TMC6: variants seen among roughly 807,000 people sequenced by gnomAD.
TMC6 encodes transmembrane channel like 6.
TMC6 carries 71 observed loss-of-function variants against 95.4 expected under a neutral mutation model. The ratio of observed to expected loss-of-function variants is 0.74; its 90% CI spans 0.61 to 0.91. TMC6 has a LOEUF of 0.91. TMC6 is among the 40% of genes least tolerant of loss of function. The pLI, the probability that TMC6 is intolerant of heterozygous loss-of-function variation, is 0.00. For missense variants in TMC6, 1,074 were observed against 1,079.1 expected, an observed-to-expected ratio of 1.00 and a Z score of 0.07; for synonymous variants, 514 against 483.1, an observed-to-expected ratio of 1.06 and a Z score of -0.84.
chr17:78,116,357 G>T (rs1350663487), intron 18 of TMC6, among the ~76,000 whole-genome samples: 2 of 149,784 alleles, frequency 1.3e-5, no homozygotes, highest in Non-Finnish European at 3.0e-5. Flanking sequence ...GCTCACTGCA[G>T]CCTCAACCTG....
chr17:78,124,280 G>C, intron 8 of TMC6, 101 bp from the exon 9 acceptor site: 1 of 1,483,738 alleles, frequency 6.7e-7, no homozygotes, highest in Non-Finnish European at 9.2e-7. Flanking sequence ...GGCCAGGCAG[G>C]GGCAGTGAGG....
At position 78,117,723 on chromosome 17, in the gene TMC6, C is replaced by A. The variant is rs2074200776; in HGVS notation, c.2021+79G>T. The A allele has an allele frequency of 3.2e-6, 5 of 1,563,942 alleles. No individual in the cohort carries two copies. The Admixed American group carries it at 9.4e-5, about 30-fold the overall frequency. ...CCCTCCCAGCCCGTCCTCTGCACCC[C>A]TAAGCCTTGGGCCCCCCAGGCACCA... On this transcript the variant is annotated intron_variant, in intron 16 of 19. Transcript: ENST00000590602.
chr17:78,124,853 G>A (rs1202034094), intron 7 of TMC6, 36 bp downstream of exon 7: 3 of 1,582,494 alleles, frequency 1.9e-6, no homozygotes, highest in Non-Finnish European at 2.6e-6. Context: ...GCCCTGCCCA[G>A]CCGCCCCAGC....
chr17:78,109,650 C>T lies in TMC6; in HGVS notation c.*3498G>A, dbSNP rs2613513. ...TCTCAAAAAAGCAGAAGCACATTTC[C>T]GAAGCCCCCCAAGCCCACGGGCGTG... On this transcript the variant is annotated 3_prime_UTR_variant, in exon 20 of 20. Transcript: ENST00000590602. 0.082 allele frequency: 35,404 copies of T among 432,542 alleles called. 1,806 individuals carry two copies. Among genetic ancestry groups the T allele is most frequent in the East Asian group, 0.18 (2,609 of 14,188 alleles). The allele number at this position is 432,542 out of a possible 1,614,324, so 26.8% of individuals were successfully genotyped here.
chr17:78,120,829 G>T lies in TMC6; in HGVS notation c.1539C>A (p.Asn513Lys). ...VLEVYVAICR[N>K]LILKLAILGT... is the part of the protein sequence containing the mutation. ...CCAGGATGGCCAGCTTGAGGATGAG[G>T]TTCCTGCGGAGGGCGGGGTGCAAAG... is the stretch of plus-strand genomic sequence containing the variant. Residue 513 changes from asparagine (N) to lysine (K), a missense_variant, in exon 13 of 20, where the codon AAC becomes AAA. Transcript: ENST00000590602. 6.2e-7 allele frequency: 1 copy of T among 1,612,180 alleles called. No homozygotes were observed. The highest frequency in any genetic ancestry group is 8.5e-7 in the Non-Finnish European group (1 of 1,178,918).
intron 16 of TMC6, 21 bp downstream of exon 16, chr17:78,117,781 C>A: frequency 6.3e-7 from 1 of 1,599,836 alleles, no homozygotes; most frequent in Non-Finnish European, 8.5e-7. Context: ...AGAAGGGTCT[C>A]CCTCCACCCG....
chr17:78,124,238 G>T, intron 8 of TMC6, 59 bp from the exon 9 acceptor site: 1 of 1,597,752 alleles, frequency 6.3e-7, no homozygotes, highest in Non-Finnish European at 8.5e-7. Context: ...CCGACCCTCA[G>T]GCCTGACAGC....
In TMC6 at chr17:78,121,785, A is replaced by G. The variant is rs184796509; in HGVS notation, c.1228-74T>C. ...CGCAGACGTGCAGACACAGCACAAC[A>G]CACACAACACACATGAGACACACCA... On this transcript the variant is annotated intron_variant, in intron 10 of 19. Coordinates refer to ENST00000590602, the MANE Select transcript of TMC6 (RefSeq NM_001127198.5). The surrounding 1 kb of genome is among the most constrained non-coding windows in gnomAD (Gnocchi z 5.6). 9.4e-6 allele frequency: 14 copies of G among 1,491,908 alleles called. No homozygotes were observed. In the East Asian group the frequency reaches 3.4e-4, roughly 37 times the overall value. 92.4% of individuals were successfully genotyped at this position (1,491,908 alleles called of 1,614,324 possible). A position where few individuals can be genotyped will look rare whatever the true frequency, so the allele number is the denominator to read the frequency against.
chr17:78,129,459 A>G (rs1182597496), upstream of TMC6, among the ~76,000 whole-genome samples: 1 of 152,168 alleles, frequency 6.6e-6, no homozygotes, highest in Non-Finnish European at 1.5e-5. This position sits in a 1 kb window ranked among gnomAD's most constrained non-coding sequence, Gnocchi z 4.3. Context: ...CAGGAGACTT[A>G]GTGGTCCACC....
rs1199555060 is a variant in TMC6, at chr17:78,126,919, G to A, written c.-74-13C>T. ...CCGGAGCCCCCATCTGATGAGACAG[G>A]GGCACAGAGCCAGGGGTGGTCTTCA... is the stretch of plus-strand genomic sequence containing the variant. On this transcript the variant is annotated splice_polypyrimidine_tract_variant and intron_variant, in intron 1 of 19. Coordinates refer to ENST00000590602, the MANE Select transcript of TMC6 (RefSeq NM_001127198.5). 2.7e-6 allele frequency: 4 copies of A among 1,496,954 alleles called. No individual in the cohort carries two copies. Among genetic ancestry groups the A allele is most frequent in the Admixed American group, 1.9e-5 (1 of 53,482 alleles). 92.7% of individuals were successfully genotyped at this position (1,496,954 alleles called of 1,614,324 possible).
chr17:78,117,343 C>T lies in TMC6; in HGVS notation c.2203G>A (p.Val735Met), dbSNP rs747298813. ...VFLVSALLLAVIYLNIQVVRG... is the reference protein window; with the variant it reads ...VFLVSALLLAMIYLNIQVVRG... The stretch of plus-strand genomic sequence containing the variant: ...ACCACCTGGATGTTGAGGTAGATCA[C>T]GGCCCTGCGGGAGAGGGGCTGTCGG... The change falls in exon 18 of 20, where the codon GTG (valine) becomes ATG (methionine). Residue 735 changes from valine (V) to methionine (M), a missense_variant. Physicochemically the swap from Val to Met is conservative, Grantham distance 21 (BLOSUM62 1). Coordinates refer to ENST00000590602, the MANE Select transcript of TMC6 (RefSeq NM_001127198.5). The T allele has an allele frequency of 6.8e-6, 11 of 1,612,986 alleles. No homozygotes were observed. The highest frequency in any genetic ancestry group is 4.0e-5 in the African/African-American group (3 of 74,792).
In TMC6 at chr17:78,119,474, C is replaced by T. The variant is rs1013674112; in HGVS notation, c.1716-82G>A. 5.7e-5 allele frequency: 79 copies of T among 1,381,618 alleles called. No homozygotes were observed. The East Asian group carries it at 1.8e-3, about 32-fold the overall frequency. The allele number at this position is 1,381,618 out of a possible 1,614,324, so 85.6% of individuals were successfully genotyped here. On this transcript the variant is annotated intron_variant, in intron 13 of 19. Transcript: ENST00000590602. ...CTGAGTCCCCACACCCAGAGGCACC[C>T]CGCCCCCAGCCAGGGGACATCCTGG...
Position 78,117,519 on chromosome 17 carries a change from C to T in TMC6, c.2147G>A (p.Arg716Gln), listed in dbSNP as rs149378643. The T allele has an allele frequency of 5.0e-6, 8 of 1,605,910 alleles. No homozygotes were observed. Among genetic ancestry groups the T allele is most frequent in the South Asian group, 3.3e-5 (3 of 90,246 alleles). The part of the protein sequence containing the change: ...PRVSWLPWVH[R>Q]YLMENTFFVF... Reference sequence around the variant, plus strand: ...AAAGAAGGTGTTTTCCATCAGGTACCGGTGCACCCAGGGCAGCCAGGAGAC... The same window carrying T: ...AAAGAAGGTGTTTTCCATCAGGTACTGGTGCACCCAGGGCAGCCAGGAGAC... The change falls in exon 17 of 20, where the codon CGG becomes CAG. Residue 716 changes from arginine (R) to glutamine (Q), a missense_variant. Coordinates refer to ENST00000590602, the MANE Select transcript of TMC6 (RefSeq NM_001127198.5).
intron 5 of TMC6, among the ~76,000 whole-genome samples, 155 bp from the exon 6 acceptor site, chr17:78,125,418 T>G (rs1349594158): frequency 1.3e-5 from 2 of 152,182 alleles, no homozygotes; most frequent in East Asian, 3.9e-4. Flanking sequence ...GCCGTGTGTT[T>G]GCTTCAGTCA....
upstream of TMC6, chr17:78,132,173 C>T (rs1409229443): frequency 7.0e-7 from 1 of 1,419,926 alleles, no homozygotes; most frequent in Non-Finnish European, 9.6e-7. Flanking sequence ...ACCCCTTCCG[C>T]CCGCAGGCAC....
At position 78,125,720 on chromosome 17, in the gene TMC6, A is replaced by C. The variant is rs753678919; in HGVS notation, c.430+6T>G. On this transcript the variant is annotated splice_donor_region_variant and intron_variant, in intron 5 of 19. Coordinates refer to ENST00000590602, the MANE Select transcript of TMC6 (RefSeq NM_001127198.5). ...GCCACTGGGGCTCCAGTGCCCACTC[A>C]CTCACCCTCCTCCTCCAGGGCCGTG... 1.3e-6 allele frequency: 2 copies of C among 1,562,344 alleles called. No individual in the cohort carries two copies. The highest frequency in any genetic ancestry group is 2.4e-5 in the South Asian group (2 of 84,964).
chr17:78,117,605 C>A lies in TMC6; in HGVS notation c.2061G>T (p.Leu687=). The A allele has an allele frequency of 6.3e-7, 1 of 1,581,750 alleles. No homozygotes were observed. Among genetic ancestry groups the A allele is most frequent in the Non-Finnish European group, 8.6e-7 (1 of 1,165,388 alleles). The part of the protein sequence containing the change: ...PSSTCGPFRT[L]DTMYEAGRVW... ...CCCTGCCGGCCTCGTACATGGTGTC[C>A]AGGGTCCGGAAGGGGCCGCAGGTGC... The change falls in exon 17 of 20, where the codon CTG becomes CTT. Residue 687 remains leucine (L), a synonymous_variant. Coordinates refer to ENST00000590602, the MANE Select transcript of TMC6 (RefSeq NM_001127198.5).
chr17:78,116,258 T>C (rs1486803633), intron 18 of TMC6, among the ~76,000 whole-genome samples: 5 of 148,996 alleles, frequency 3.4e-5, no homozygotes, highest in Admixed American at 2.7e-4. Context: ...ATTAGAGGCC[T>C]GAGCCCCCAT....
intron 16 of TMC6, 25 bp downstream of exon 16, chr17:78,117,777 G>A (rs2074205256): frequency 6.3e-7 from 1 of 1,598,466 alleles, no homozygotes; most frequent in African/African-American, 1.3e-5. Context: ...ACACAGAAGG[G>A]TCTCCCTCCA....
Sources: gnomAD v4.1 joint callset for allele counts (sites outside exome capture counted in the v4.1 genomes callset) on GRCh38, gnomAD v4.1.1 for gene constraint, Gnocchi (gnomAD v3.1) non-coding constraint, MANE v1.5 for transcripts, NCBI Gene and HGNC (gene_info 2026-07-23, HGNC 2026-07-21) for gene names.